Variants in TET2 observed in about 807,000 individuals in gnomAD.
TET2 encodes methylcytosine dioxygenase TET2.
A neutral mutation model predicts 142.9 loss-of-function variants in TET2; 299 were observed. The ratio of observed to expected loss-of-function variants is 2.09; its 90% CI spans 1.90 to 2.30. The LOEUF is 2.30. Ranked by LOEUF, TET2 falls within the 30% of genes most tolerant of loss-of-function variation. The pLI, the probability that TET2 is intolerant of heterozygous loss-of-function variation, is 0.00. For synonymous variants in TET2, 819 were observed against 849.0 expected, an observed-to-expected ratio of 0.96 and a Z score of 0.61; for missense variants, 2,418 against 2,378.0, an observed-to-expected ratio of 1.02 and a Z score of -0.35.
Position 105,235,100 on chromosome 4 carries a change from GTTCAC to G in TET2, c.1160_1164del (p.Phe387Ter). The G allele has an allele frequency of 6.2e-7, 1 of 1,614,020 alleles. No individual in the cohort carries two copies. On this transcript the variant is annotated frameshift_variant, in exon 3 of 11. Coordinates refer to ENST00000380013, the MANE Select transcript of TET2 (RefSeq NM_001127208.3). LOFTEE classifies it high-confidence loss of function. ...GTGCTTACTTCAAGCAAAGCTCAGT[GTTCAC>G]TAAGGATTCCTTTTCTGCCACTACC...
At chr4:105,215,586 G>A (rs1336492217) in intron 2 of TET2, among the ~76,000 whole-genome samples, 3 of 152,100 alleles carry the variant, frequency 2.0e-5, no homozygotes, top group African/African-American at 4.8e-5. Flanking sequence ...AGTTTTGAAA[G>A]TATTTTGAAA....
Position 105,267,835 on chromosome 4 carries a change from A to G in TET2, c.4045-1775A>G, listed in dbSNP as rs976057509. Among the ~76,000 whole-genome samples the G allele has an allele frequency of 1.2e-4, 19 of 152,182 alleles. No homozygotes were observed. The South Asian group carries it at 1.4e-3, about 12-fold the overall frequency. ...TAAAAAGATATTTTTAACATAAAAAATGATGTTGAAAAGACATAACAGGAA... is the reference window on the plus strand; with the variant it reads ...TAAAAAGATATTTTTAACATAAAAAGTGATGTTGAAAAGACATAACAGGAA... On this transcript the variant is annotated intron_variant, in intron 8 of 10. Coordinates refer to ENST00000380013, the MANE Select transcript of TET2 (RefSeq NM_001127208.3).
chr4:105,261,139 A>T (rs1293960833), intron 7 of TET2, among the ~76,000 whole-genome samples: 2 of 152,138 alleles, frequency 1.3e-5, no homozygotes, highest in Middle Eastern at 3.4e-3. Flanking sequence ...GCTAAATATG[A>T]TCACCTACCA....
intron 3 of TET2, chr4:105,240,698 C>G (rs576254060): frequency 9.3e-7 from 1 of 1,080,398 alleles, no homozygotes; most frequent in South Asian, 4.6e-5. Flanking sequence ...TCACCCACCC[C>G]TATCTTCCCA....
intron 1 of TET2, among the ~76,000 whole-genome samples, chr4:105,168,123 C>T (rs998112250): frequency 1.3e-5 from 2 of 152,154 alleles, no homozygotes; most frequent in East Asian, 3.8e-4. Context: ...GCTCCCCCTT[C>T]TTACCTCACC....
chr4:105,161,502 G>C (rs1010406650), intron 1 of TET2, among the ~76,000 whole-genome samples: 1 of 152,160 alleles, frequency 6.6e-6, no homozygotes, highest in African/African-American at 2.4e-5. Flanking sequence ...TTACTTATGA[G>C]TATACTTTTC....
chr4:105,249,577 G>T (rs1578701515), intron 6 of TET2, among the ~76,000 whole-genome samples: 1 of 152,150 alleles, frequency 6.6e-6, no homozygotes, highest in African/African-American at 2.4e-5. Flanking sequence ...ATGTATGAAG[G>T]TTCCAGTGTA....
chr4:105,250,837 G>A (rs533632864), intron 6 of TET2, among the ~76,000 whole-genome samples: 5 of 152,034 alleles, frequency 3.3e-5, no homozygotes, highest in Admixed American at 6.5e-5. Flanking sequence ...GCGCCACCAT[G>A]CCTGGCTAAT....
chr4:105,241,186 T>G, intron 3 of TET2, 153 bp from the exon 4 acceptor site: 1 of 1,290,086 alleles, frequency 7.8e-7, no homozygotes, highest in Non-Finnish European at 1.0e-6. Context: ...TTCTAATAGA[T>G]CAGTCCATCA....
chr4:105,203,264 G>C (rs897277559), intron 2 of TET2, among the ~76,000 whole-genome samples: 2 of 152,158 alleles, frequency 1.3e-5, no homozygotes, highest in Admixed American at 6.6e-5. Flanking sequence ...TTCCTACATT[G>C]ACCATGTGGA....
At chr4:105,272,103 G>A (rs558752260) in intron 9 of TET2, among the ~76,000 whole-genome samples, 1 of 152,284 alleles carries the variant, frequency 6.6e-6, no homozygotes, top group East Asian at 1.9e-4. Flanking sequence ...CATGAAATTT[G>A]TGTTCAGAAG....
At chr4:105,191,970 A>G (rs1339318734) in intron 2 of TET2, among the ~76,000 whole-genome samples, 1 of 152,102 alleles carries the variant, frequency 6.6e-6, no homozygotes, top group Non-Finnish European at 1.5e-5. Flanking sequence ...ATTATGAATA[A>G]AGCATTCTTT....
chr4:105,230,076 C>G (rs963969953), intron 2 of TET2, among the ~76,000 whole-genome samples: 2 of 152,100 alleles, frequency 1.3e-5, no homozygotes, highest in Non-Finnish European at 2.9e-5. Context: ...GTGTCTCACT[C>G]TGTCACCCAG....
At chr4:105,178,842 T>C (rs1724958463) in intron 1 of TET2, among the ~76,000 whole-genome samples, 1 of 152,190 alleles carries the variant, frequency 6.6e-6, no homozygotes, top group African/African-American at 2.4e-5. Flanking sequence ...ACTAGTTGAA[T>C]GTATCAGTTC....
chr4:105,166,619 A>G (rs1292711008), intron 1 of TET2, among the ~76,000 whole-genome samples: 2 of 151,454 alleles, frequency 1.3e-5, no homozygotes, highest in South Asian at 2.1e-4. Context: ...AGAAAAAAAA[A>G]GAAAAAAAAA....
intron 6 of TET2, among the ~76,000 whole-genome samples, chr4:105,247,905 A>G (rs1156904318): frequency 6.6e-6 from 1 of 151,922 alleles, no homozygotes; most frequent in Non-Finnish European, 1.5e-5. Context: ...TACTTTTAGT[A>G]GAGACGGGGT....
intron 8 of TET2, 137 bp from the exon 9 acceptor site, chr4:105,269,473 C>T: frequency 1.7e-5 from 15 of 878,814 alleles, no homozygotes; most frequent in Non-Finnish European, 1.7e-5. Flanking sequence ...TATTTTGTGT[C>T]ATTCCATTTT....
Position 105,181,618 on chromosome 4 carries a change from T to G in TET2, c.-192-8742T>G, listed in dbSNP as rs115156701. ...GTAATTCTGTACAATCTCCTACATC[T>G]GTAACCCCTGCCCCAAATATTTTTT... On this transcript the variant is annotated intron_variant, in intron 1 of 10. Coordinates refer to ENST00000380013, the MANE Select transcript of TET2 (RefSeq NM_001127208.3). Among the ~76,000 whole-genome samples, 562 of 152,342 alleles carry G rather than the reference T, an allele frequency of 3.7e-3. 4 individuals are homozygous for G. The highest frequency in any genetic ancestry group is 5.4e-3 in the Non-Finnish European group (368 of 68,026).
intron 2 of TET2, among the ~76,000 whole-genome samples, chr4:105,229,091 A>C (rs917006153): frequency 6.6e-6 from 1 of 152,190 alleles, no homozygotes; most frequent in Non-Finnish European, 1.5e-5. Context: ...ATATTTTTTG[A>C]GTATTTTTGT....
Sources: allele counts gnomAD v4.1 joint callset (sites outside exome capture counted in the v4.1 genomes callset), GRCh38; gene constraint gnomAD v4.1.1; transcripts MANE v1.5; gene names NCBI Gene and HGNC (gene_info 2026-07-23, HGNC 2026-07-21).